Variants in MAGI1 observed in about 807,000 individuals in gnomAD.
MAGI1 encodes the protein membrane-associated guanylate kinase, WW and PDZ domain-containing protein 1.
Under a neutral mutation model 139.9 loss-of-function variants are expected in MAGI1, and 58 were observed. That is an observed-to-expected ratio of 0.41 (90% CI 0.34 to 0.52). The LOEUF (loss-of-function observed/expected upper bound fraction) is 0.52. MAGI1 is among the 20% of genes least tolerant of loss of function. MAGI1 has a pLI of 0.12. For missense variants in MAGI1, 1,874 were observed against 1,901.6 expected (o/e 0.99, Z 0.27); for synonymous variants, 812 against 737.9 (o/e 1.10, Z -1.63).
intron 1 of MAGI1, among the ~76,000 whole-genome samples, chr3:65,796,613 A>G (rs1355236369): frequency 6.6e-6 from 1 of 152,218 alleles, no homozygotes; most frequent in Non-Finnish European, 1.5e-5. Context: ...CCATGAAATA[A>G]AATTAAAAGT....
intron 1 of MAGI1, among the ~76,000 whole-genome samples, chr3:65,936,368 T>C (rs563200867): frequency 3.3e-5 from 5 of 152,240 alleles, no homozygotes; most frequent in African/African-American, 7.2e-5. Flanking sequence ...CCAGGTGTAG[T>C]GGCTCACGTC....
At chr3:65,562,705 T>A (rs1188820801) in intron 2 of MAGI1, among the ~76,000 whole-genome samples, 1 of 152,208 alleles carries the variant, frequency 6.6e-6, no homozygotes, top group Non-Finnish European at 1.5e-5. Context: ...TTTGTAATAA[T>A]TAACAGGTAA....
At chr3:65,730,771 T>C (rs1335939640) in intron 1 of MAGI1, among the ~76,000 whole-genome samples, 1 of 152,176 alleles carries the variant, frequency 6.6e-6, no homozygotes, top group Non-Finnish European at 1.5e-5. Context: ...AACAAATGAA[T>C]AAATGGTCAC....
At chr3:65,409,002 G>A (rs913481317) in intron 12 of MAGI1, among the ~76,000 whole-genome samples, 4 of 152,208 alleles carry the variant, frequency 2.6e-5, no homozygotes, top group Non-Finnish European at 4.4e-5. Context: ...CAGGACAATG[G>A]AACAGGCTGT....
chr3:66,013,175 G>A (rs912126686), intron 1 of MAGI1, among the ~76,000 whole-genome samples: 14 of 152,082 alleles, frequency 9.2e-5, no homozygotes, highest in Non-Finnish European at 1.5e-4. Context: ...AGGCCGAGGC[G>A]GGTGGATTAC....
chr3:65,982,837 T>A (rs1331102160), intron 1 of MAGI1, among the ~76,000 whole-genome samples: 1 of 152,116 alleles, frequency 6.6e-6, no homozygotes, highest in Non-Finnish European at 1.5e-5. Context: ...TCATGAGAGG[T>A]CCTGAGAGCA....
At position 65,495,516 on chromosome 3, in the gene MAGI1, C is replaced by G. The variant is rs142650826; in HGVS notation, c.431-1885G>C. Among the ~76,000 whole-genome samples, 137 of 152,218 alleles carry G rather than the reference C, an allele frequency of 9.0e-4. 2 individuals carry two copies. The East Asian group carries it at 0.025, about 28-fold the overall frequency. ...ATTCAACAAATATTTACTGAGGCCCCAACACATGCCAGGCACTGGGAAAAC... is the reference window on the plus strand; with the variant it reads ...ATTCAACAAATATTTACTGAGGCCCGAACACATGCCAGGCACTGGGAAAAC... On this transcript the variant is annotated intron_variant, in intron 2 of 22. Coordinates refer to ENST00000402939, the MANE Select transcript of MAGI1 (RefSeq NM_001033057.2).
At chr3:65,423,275 G>C (rs1946764007) in intron 12 of MAGI1, among the ~76,000 whole-genome samples, 1 of 152,184 alleles carries the variant, frequency 6.6e-6, no homozygotes, top group Non-Finnish European at 1.5e-5. Flanking sequence ...AGGGCAAAGA[G>C]GAGAAGTGCC....
intron 1 of MAGI1, among the ~76,000 whole-genome samples, chr3:66,033,122 G>C (rs1306698133): frequency 6.6e-6 from 1 of 151,700 alleles, no homozygotes; most frequent in Non-Finnish European, 1.5e-5. Context: ...TCTGCCTCCT[G>C]GTCTCAAGCG....
intron 1 of MAGI1, among the ~76,000 whole-genome samples, chr3:65,725,938 G>A (rs1435398162): frequency 6.6e-6 from 1 of 152,110 alleles, no homozygotes; most frequent in Admixed American, 6.6e-5. Flanking sequence ...TAAAAATAAA[G>A]GAAAGAAAGG....
chr3:65,984,017 G>C (rs549080984), intron 1 of MAGI1, among the ~76,000 whole-genome samples: 1 of 152,290 alleles, frequency 6.6e-6, no homozygotes, highest in East Asian at 1.9e-4. Flanking sequence ...TGTAGGCCGG[G>C]CACAATGGCT....
chr3:65,895,079 T>C (rs1045784624), intron 1 of MAGI1, among the ~76,000 whole-genome samples: 1 of 152,258 alleles, frequency 6.6e-6, no homozygotes, highest in African/African-American at 2.4e-5. Context: ...TTTAGATATC[T>C]GTGATGTTCA....
At chr3:65,440,987 G>C (rs943809818) in intron 8 of MAGI1, among the ~76,000 whole-genome samples, 9 of 151,758 alleles carry the variant, frequency 5.9e-5, no homozygotes, top group Non-Finnish European at 1.3e-4. Flanking sequence ...TTTTGAGACA[G>C]TCTCTCTCTG....
chr3:65,736,783 T>C (rs1305160484), intron 1 of MAGI1, among the ~76,000 whole-genome samples: 2 of 152,230 alleles, frequency 1.3e-5, no homozygotes, highest in African/African-American at 2.4e-5. Flanking sequence ...ACTCAGTTTA[T>C]TGATTCAAAT....
intron 12 of MAGI1, among the ~76,000 whole-genome samples, chr3:65,408,981 T>C (rs1272736276): frequency 6.6e-6 from 1 of 152,210 alleles, no homozygotes; most frequent in African/African-American, 2.4e-5. Context: ...ACTTCTGTGA[T>C]GAAAATGACG....
At chr3:65,802,118 G>A (rs548828624) in intron 1 of MAGI1, among the ~76,000 whole-genome samples, 3 of 152,150 alleles carry the variant, frequency 2.0e-5, no homozygotes, top group South Asian at 2.1e-4. Flanking sequence ...CCATGAAACC[G>A]GTCCCTGGTG....
In MAGI1 at chr3:65,511,887, T is replaced by C. The variant is rs1223389612; in HGVS notation, c.431-18256A>G. Among the ~76,000 whole-genome samples, 7 of 109,210 alleles carry C rather than the reference T, an allele frequency of 6.4e-5. No homozygotes were observed. In the South Asian group the frequency reaches 1.2e-3, roughly 19 times the overall value. 71.6% of individuals were successfully genotyped at this position (109,210 alleles called of 152,430 possible). A position where few individuals can be genotyped will look rare whatever the true frequency, so the allele number is the denominator to read the frequency against. Reference sequence around the variant, plus strand: ...GCACCACACCACACCTATTCCAAAATTGACCACATAGTTGGAAGTAAAGCT... The same window carrying C: ...GCACCACACCACACCTATTCCAAAACTGACCACATAGTTGGAAGTAAAGCT... On this transcript the variant is annotated intron_variant, in intron 2 of 22. Transcript: ENST00000402939.
At chr3:65,556,055 A>G (rs751875930) in intron 2 of MAGI1, among the ~76,000 whole-genome samples, 4 of 152,126 alleles carry the variant, frequency 2.6e-5, no homozygotes, top group Non-Finnish European at 5.9e-5. Flanking sequence ...TGTGATAGGG[A>G]GAGATTGTAT....
At chr3:65,795,050 C>T (rs1308486601) in intron 1 of MAGI1, among the ~76,000 whole-genome samples, 3 of 152,272 alleles carry the variant, frequency 2.0e-5, no homozygotes, top group Non-Finnish European at 4.4e-5. Context: ...ACAGTGACGA[C>T]AGCAAACACT....
Sources: allele counts gnomAD v4.1 joint callset (sites outside exome capture counted in the v4.1 genomes callset), GRCh38; gene constraint gnomAD v4.1.1; transcripts MANE v1.5; gene names NCBI Gene and HGNC (gene_info 2026-07-23, HGNC 2026-07-21).